Variants in KSR2 observed in about 807,000 individuals in gnomAD.
KSR2 encodes kinase suppressor of ras 2.
KSR2 carries 25 observed loss-of-function variants against 107.8 expected under a neutral mutation model. The ratio of observed to expected loss-of-function variants is 0.23; its 90% CI spans 0.17 to 0.32. The LOEUF (loss-of-function observed/expected upper bound fraction) is 0.32, where lower values mean the gene tolerates loss of function less well. Ranked by LOEUF, KSR2 falls within the 10% of genes least tolerant of loss-of-function variation. The pLI is 1.00. For synonymous variants in KSR2, 480 were observed against 507.0 expected, an observed-to-expected ratio of 0.95 and a Z score of 0.71; for missense variants, 887 against 1,268.9, an observed-to-expected ratio of 0.70 and a Z score of 4.57.
intron 5 of KSR2, among the ~76,000 whole-genome samples, chr12:117,614,464 G>A (rs912419392): frequency 2.6e-5 from 4 of 152,196 alleles, no homozygotes; most frequent in Admixed American, 2.6e-4. Flanking sequence ...GGGCTAAATG[G>A]AAAGTGCTCT....
intron 3 of KSR2, among the ~76,000 whole-genome samples, chr12:117,849,671 A>C (rs1049909253): frequency 1.3e-5 from 2 of 152,212 alleles, no homozygotes; most frequent in African/African-American, 4.8e-5. Context: ...AACATCTCTA[A>C]AATAAAGCTA....
rs367950990 is a variant in KSR2 at position 117,742,541 on chromosome 12, T to TGGAC, written c.986+18469_986+18470insGTCC. Among the ~76,000 whole-genome samples the TGGAC allele has an allele frequency of 2.6e-3, 389 of 150,548 alleles. 1 individual carries two copies. The highest frequency in any genetic ancestry group is 9.0e-3 in the African/African-American group (364 of 40,534). On this transcript the variant is annotated intron_variant, in intron 4 of 19. Transcript: ENST00000339824. ...ATGGATGGATGGATGGGTGGATGGA[T>TGGAC]GGATGGATGGATGAATGGGCAGAGA... is the stretch of plus-strand genomic sequence containing the variant.
chr12:117,930,956 T>A (rs1399648812), intron 1 of KSR2, among the ~76,000 whole-genome samples: 1 of 152,116 alleles, frequency 6.6e-6, no homozygotes, highest in Non-Finnish European at 1.5e-5. Context: ...AGGGTTGATG[T>A]GGATCTTTCA....
At chr12:117,575,597 C>T (rs1565907988) in intron 7 of KSR2, among the ~76,000 whole-genome samples, 1 of 152,208 alleles carries the variant, frequency 6.6e-6, no homozygotes, top group Non-Finnish European at 1.5e-5. Flanking sequence ...AGTTGTAGAA[C>T]ACGTCTCAAC....
At chr12:117,710,094 G>C (rs1017577366) in intron 4 of KSR2, among the ~76,000 whole-genome samples, 2 of 152,188 alleles carry the variant, frequency 1.3e-5, no homozygotes, top group African/African-American at 4.8e-5. Context: ...CTGCAAGAAT[G>C]TTGGAATATT....
At chr12:117,479,731 T>TA (rs960767020) in intron 16 of KSR2, among the ~76,000 whole-genome samples, 2 of 152,228 alleles carry the variant, frequency 1.3e-5, no homozygotes, top group Non-Finnish European at 2.9e-5. Flanking sequence ...AAAGACATGA[T>TA]ACACACATCC....
intron 4 of KSR2, among the ~76,000 whole-genome samples, chr12:117,757,131 G>A (rs1888826582): frequency 2.6e-5 from 4 of 151,932 alleles, no homozygotes; most frequent in Admixed American, 2.6e-4. Flanking sequence ...ATCCATGGAA[G>A]GAGGTCAAAA....
intron 14 of KSR2, among the ~76,000 whole-genome samples, chr12:117,498,680 G>C (rs1476939018): frequency 6.6e-6 from 1 of 152,062 alleles, no homozygotes; most frequent in Non-Finnish European, 1.5e-5. Flanking sequence ...GTTGTGGGAG[G>C]GACCCAGTGG....
chr12:117,825,399 CG>C (rs1223112557), intron 3 of KSR2, among the ~76,000 whole-genome samples: 1 of 151,928 alleles, frequency 6.6e-6, no homozygotes, highest in Admixed American at 6.6e-5. Context: ...GTGCATGGGT[CG>C]GGGCATAAAT....
intron 5 of KSR2, among the ~76,000 whole-genome samples, chr12:117,599,991 T>G (rs1433301978): frequency 6.6e-6 from 1 of 152,158 alleles, no homozygotes; most frequent in African/African-American, 2.4e-5. Context: ...CCCTCCCAGG[T>G]CGGTCAAGCT....
chr12:117,938,993 CA>C (rs746717734), intron 1 of KSR2, among the ~76,000 whole-genome samples: 2,892 of 125,494 alleles, frequency 0.023, 31 homozygotes, highest in Middle Eastern at 0.12. Context: ...CATCTGGGGT[CA>C]AAAAAAAAAA....
At chr12:117,948,681 GA>G (rs1221100491) in intron 1 of KSR2, among the ~76,000 whole-genome samples, 2 of 152,122 alleles carry the variant, frequency 1.3e-5, no homozygotes, top group African/African-American at 4.8e-5. Flanking sequence ...GAATGGTGTA[GA>G]AAAAAATTGT....
intron 14 of KSR2, among the ~76,000 whole-genome samples, chr12:117,486,941 G>A (rs943759229): frequency 2.0e-5 from 3 of 152,060 alleles, no homozygotes; most frequent in African/African-American, 7.3e-5. Context: ...GCTTAGAGTA[G>A]GACTAACGGG....
rs549622052 is a variant in KSR2, at chr12:117,965,371, T to C, written c.180+2705A>G. 5.9e-5 allele frequency among the ~76,000 whole-genome samples: 9 copies of C among 152,346 alleles called. No individual in the cohort carries two copies. In the South Asian group the frequency reaches 8.3e-4, roughly 14 times the overall value. On this transcript the variant is annotated intron_variant, in intron 1 of 19. Coordinates refer to ENST00000339824, the MANE Select transcript of KSR2 (RefSeq NM_173598.6). ...ACCATTATTTGCCTTACTGCTAGGA[T>C]TGGGTTTTCCATTTCATGCAGCTGA... is the stretch of plus-strand genomic sequence containing the variant.
rs895071804 is a variant in KSR2, at chr12:117,517,775, C to T, written c.2219+7077G>A. 5 of 446,684 alleles carry T rather than the reference C, an allele frequency of 1.1e-5. No individual in the cohort carries two copies. In the Admixed American group the frequency reaches 1.2e-4, roughly 11 times the overall value. 27.7% of individuals were successfully genotyped at this position (446,684 alleles called of 1,614,324 possible). ...TGAACATAAAAGGAAGCCGCTTCCACTCGATGATGGGGACGGAATCTTCAT... is the reference window on the plus strand; with the variant it reads ...TGAACATAAAAGGAAGCCGCTTCCATTCGATGATGGGGACGGAATCTTCAT... On this transcript the variant is annotated intron_variant, in intron 14 of 19. Transcript: ENST00000339824.
intron 4 of KSR2, among the ~76,000 whole-genome samples, chr12:117,695,517 G>A (rs1039341588): frequency 2.3e-4 from 33 of 143,378 alleles, no homozygotes; most frequent in African/African-American, 8.4e-4. Context: ...ACCAGCCTGG[G>A]AAACATGATG....
Position 117,610,094 on chromosome 12 carries a change from T to C in KSR2, c.1172-27735A>G, listed in dbSNP as rs553734666. On this transcript the variant is annotated intron_variant, in intron 5 of 19. Coordinates refer to ENST00000339824, the MANE Select transcript of KSR2 (RefSeq NM_173598.6). Reference sequence around the variant, plus strand: ...GTCTGCTTATATCGTTTTCTTATTTTTATATTTTTTTCTGAGTATGCTTTC... The same window carrying C: ...GTCTGCTTATATCGTTTTCTTATTTCTATATTTTTTTCTGAGTATGCTTTC... Among the ~76,000 whole-genome samples the C allele has an allele frequency of 2.8e-4, 42 of 152,338 alleles. 1 individual carries two copies. In the South Asian group the frequency reaches 8.5e-3, roughly 31 times the overall value.
intron 1 of KSR2, among the ~76,000 whole-genome samples, chr12:117,925,762 G>A (rs757217081): frequency 3.9e-5 from 6 of 152,122 alleles, no homozygotes; most frequent in Non-Finnish European, 7.3e-5. Flanking sequence ...GCTCAAAGAC[G>A]CATGGCTAGT....
chr12:117,563,369 T>C (rs1190055539), intron 7 of KSR2, among the ~76,000 whole-genome samples: 1 of 151,956 alleles, frequency 6.6e-6, no homozygotes. Context: ...GAAAGGAAAA[T>C]GGGGAAAGTA....
Sources: allele counts gnomAD v4.1 joint callset (sites outside exome capture counted in the v4.1 genomes callset), GRCh38; gene constraint gnomAD v4.1.1; transcripts MANE v1.5; gene names NCBI Gene and HGNC (gene_info 2026-07-23, HGNC 2026-07-21).